The following CYFIP2 variants were observed in gnomAD, a reference collection of about 807,000 sequenced individuals.
CYFIP2 encodes the protein cytoplasmic FMR1-interacting protein 2.
CYFIP2 carries 29 observed loss-of-function variants against 158.7 expected under a neutral mutation model. The ratio of observed to expected loss-of-function variants is 0.18; its 90% CI spans 0.14 to 0.25. The LOEUF (loss-of-function observed/expected upper bound fraction) is 0.25. CYFIP2 is among the 10% of genes least tolerant of loss of function. The pLI is 1.00. For synonymous variants in CYFIP2, 585 were observed against 617.6 expected, an observed-to-expected ratio of 0.95 and a Z score of 0.78; for missense variants, 852 against 1,639.5, an observed-to-expected ratio of 0.52 and a Z score of 8.29.
At chr5:157,346,818 G>A (rs1007560972) in intron 23 of CYFIP2, among the ~76,000 whole-genome samples, 3 of 152,268 alleles carry the variant, frequency 2.0e-5, no homozygotes, top group East Asian at 1.9e-4. Flanking sequence ...TGGAGTTGAC[G>A]CCAGAAATGG....
chr5:157,369,885 T>TTTTTTTTTG (rs1764815413), intron 26 of CYFIP2, among the ~76,000 whole-genome samples: 2 of 148,698 alleles, frequency 1.3e-5, no homozygotes, highest in African/African-American at 2.5e-5. Context: ...CCTAGTTTTT[T>TTTTTTTTTG]TTTTTTTTTT....
intron 19 of CYFIP2, among the ~76,000 whole-genome samples, chr5:157,330,356 C>T (rs1173244936): frequency 1.3e-5 from 2 of 151,062 alleles, no homozygotes; most frequent in African/African-American, 4.9e-5. Flanking sequence ...TTATTCCATT[C>T]CTCTGTTTGT....
At chr5:157,313,567 C>T (rs977276812) in intron 11 of CYFIP2, among the ~76,000 whole-genome samples, 13 of 152,294 alleles carry the variant, frequency 8.5e-5, no homozygotes, top group African/African-American at 2.4e-4. Context: ...TCACTTTGTC[C>T]GACTTCAGCT....
chr5:157,308,009 G>A, intron 9 of CYFIP2, 144 bp downstream of exon 9: 1 of 593,976 alleles, frequency 1.7e-6, no homozygotes. Flanking sequence ...AGTAGGAAGA[G>A]GAGGAGAATA....
At chr5:157,331,003 C>T (rs576560492) in intron 20 of CYFIP2, among the ~76,000 whole-genome samples, 153 bp downstream of exon 20, 10 of 152,268 alleles carry the variant, frequency 6.6e-5, no homozygotes, top group Non-Finnish European at 1.0e-4. Context: ...GCCTCAGGAT[C>T]TCATAAACAA....
intron 28 of CYFIP2, among the ~76,000 whole-genome samples, chr5:157,387,803 T>C (rs1302568963): frequency 6.6e-6 from 1 of 152,136 alleles, no homozygotes; most frequent in African/African-American, 2.4e-5. Flanking sequence ...GGGTTCCCTC[T>C]CCTTCGTGTT....
intron 23 of CYFIP2, among the ~76,000 whole-genome samples, chr5:157,346,152 A>G (rs1032272366): frequency 1.3e-5 from 2 of 152,044 alleles, no homozygotes; most frequent in Non-Finnish European, 2.9e-5. Context: ...TCTGAGTCTC[A>G]GTTCCACCAT....
Position 157,297,339 on chromosome 5 carries a change from G to A in CYFIP2, c.387+565G>A, listed in dbSNP as rs1442279301. Among the ~76,000 whole-genome samples the A allele has an allele frequency of 3.9e-5, 6 of 152,358 alleles. No homozygotes were observed. In the East Asian group the frequency reaches 1.2e-3, roughly 29 times the overall value. The stretch of plus-strand genomic sequence containing the variant: ...TAGGTGGGGAGCATGGCCTTTGGAG[G>A]CAGAGAAGCCCAAGTCACATCCCTG... On this transcript the variant is annotated intron_variant, in intron 5 of 30. Transcript: ENST00000620254.
intron 23 of CYFIP2, chr5:157,341,482 T>G (rs1161329834): frequency 1.2e-5 from 4 of 329,528 alleles, no homozygotes; most frequent in Non-Finnish European, 2.3e-5. Flanking sequence ...AGCCCAGGAG[T>G]GTTATGCTGC....
chr5:157,376,491 A>G (rs10035272), intron 26 of CYFIP2: 57,201 of 154,130 alleles, frequency 0.37, 10,977 homozygotes, highest in Middle Eastern at 0.48. Flanking sequence ...CAAGCACTCA[A>G]TAGATATTTG....
intron 13 of CYFIP2, among the ~76,000 whole-genome samples, chr5:157,318,138 A>G (rs1472364762): frequency 2.0e-5 from 3 of 152,222 alleles, no homozygotes; most frequent in Admixed American, 6.5e-5. Flanking sequence ...AGTCAAATAT[A>G]TGTCGCAAAT....
At position 157,302,980 on chromosome 5, in the gene CYFIP2, A is replaced by G. The variant is rs1353486275; in HGVS notation, c.666+90A>G. On this transcript the variant is annotated intron_variant, in intron 7 of 30. Coordinates refer to ENST00000620254, the MANE Select transcript of CYFIP2 (RefSeq NM_001037333.3). ...TTGGGTGGACCACGAGCCCAAGCAGACAAGCTCAGTCTGCAGCTTCCATCT... is the reference window on the plus strand; with the variant it reads ...TTGGGTGGACCACGAGCCCAAGCAGGCAAGCTCAGTCTGCAGCTTCCATCT... The G allele has an allele frequency of 4.1e-6, 4 of 974,836 alleles. No individual in the cohort carries two copies. The East Asian group carries it at 1.1e-4, about 26-fold the overall frequency. The allele number at this position is 974,836 out of a possible 1,614,324, so 60.4% of individuals were successfully genotyped here.
intron 13 of CYFIP2, among the ~76,000 whole-genome samples, chr5:157,318,748 A>G (rs1760353129): frequency 6.6e-6 from 1 of 152,196 alleles, no homozygotes; most frequent in South Asian, 2.1e-4. Flanking sequence ...GTGTATTTCC[A>G]GTCTGGTGTA....
intron 26 of CYFIP2, among the ~76,000 whole-genome samples, chr5:157,368,917 G>A (rs866439170): frequency 1.1e-5 from 1 of 92,216 alleles, no homozygotes; most frequent in Non-Finnish European, 2.2e-5. Context: ...TTTTTTTTTT[G>A]AGACAGAGTC....
intron 29 of CYFIP2, 92 bp from the exon 30 acceptor site, chr5:157,390,429 T>C (rs1581213366): frequency 7.9e-7 from 1 of 1,264,292 alleles, no homozygotes; most frequent in South Asian, 1.5e-5. Flanking sequence ...GCCTGCTTAG[T>C]AGCTGTACTC....
chr5:157,335,970 G>GA (rs1410158912), intron 21 of CYFIP2, among the ~76,000 whole-genome samples: 22 of 152,130 alleles, frequency 1.4e-4, no homozygotes, highest in African/African-American at 5.1e-4. Context: ...AACAAGCAGT[G>GA]AAAGCCCTTG....
Position 157,311,515 on chromosome 5 carries a change from G to A in CYFIP2, c.993-149G>A, listed in dbSNP as rs1759720008. Reference sequence around the variant, plus strand: ...TGAAGCTCCCACAGTGTTGGACTTAGCAGGCTTTCTTGCTGAGGCGGCTGG... The same window carrying A: ...TGAAGCTCCCACAGTGTTGGACTTAACAGGCTTTCTTGCTGAGGCGGCTGG... On this transcript the variant is annotated intron_variant, in intron 10 of 30. Coordinates refer to ENST00000620254, the MANE Select transcript of CYFIP2 (RefSeq NM_001037333.3). This position sits in a 1 kb window ranked among gnomAD's most constrained non-coding sequence, Gnocchi z 4.7. The A allele has an allele frequency of 4.6e-6, 3 of 646,192 alleles. No homozygotes were observed. The highest frequency in any genetic ancestry group is 2.8e-5 in the Admixed American group (1 of 35,566). 40.0% of individuals were successfully genotyped at this position (646,192 alleles called of 1,614,324 possible).
intron 1 of CYFIP2, chr5:157,269,677 A>G (rs73302141): frequency 2.6e-4 from 40 of 152,352 alleles, no homozygotes; most frequent in African/African-American, 9.1e-4. Flanking sequence ...AATGCCCTCC[A>G]TTCCTTAAGA....
intron 22 of CYFIP2, 142 bp downstream of exon 22, chr5:157,339,398 C>A: frequency 2.8e-6 from 2 of 711,412 alleles, no homozygotes; most frequent in Non-Finnish European, 4.7e-6. Flanking sequence ...AGGCTTTGTG[C>A]TGTCTCACTT....
Sources: gnomAD v4.1 joint callset for allele counts (sites outside exome capture counted in the v4.1 genomes callset) on GRCh38, gnomAD v4.1.1 for gene constraint, Gnocchi (gnomAD v3.1) non-coding constraint, MANE v1.5 for transcripts, NCBI Gene and HGNC (gene_info 2026-07-23, HGNC 2026-07-21) for gene names.